The following SMAD9 variants were observed in gnomAD, a reference collection of about 807,000 sequenced individuals.
SMAD9 encodes MAD homolog 9.
In SMAD9, 36 loss-of-function variants were observed where a neutral mutation model predicts 46.1. The ratio of observed to expected loss-of-function variants is 0.78; its 90% CI spans 0.60 to 1.03. The LOEUF (loss-of-function observed/expected upper bound fraction) is 1.03. SMAD9 is among the 50% of genes least tolerant of loss of function. The probability of loss-of-function intolerance (pLI) is 0.00; values close to 1 mark genes in which losing one functional copy is unlikely to be tolerated. For missense variants in SMAD9, 572 were observed against 599.8 expected (o/e 0.95, Z 0.48); for synonymous variants, 245 against 237.1 (o/e 1.03, Z -0.31).
At chr13:36,894,689 C>G (rs749601694) in intron 1 of SMAD9, among the ~76,000 whole-genome samples, 4 of 152,074 alleles carry the variant, frequency 2.6e-5, no homozygotes, top group Non-Finnish European at 5.9e-5. Context: ...CCATGGAGTC[C>G]TCCTGATCCC....
At chr13:36,876,688 T>C (rs929686179) in intron 2 of SMAD9, among the ~76,000 whole-genome samples, 24 of 152,172 alleles carry the variant, frequency 1.6e-4, no homozygotes, top group Non-Finnish European at 2.9e-5. Flanking sequence ...AGTCAATTAT[T>C]GAAGTGGATG....
chr13:36,893,961 TA>T (rs2058508791), intron 1 of SMAD9, among the ~76,000 whole-genome samples: 1 of 152,142 alleles, frequency 6.6e-6, no homozygotes. Context: ...CAAAATAAAA[TA>T]TTTTAATTTA....
intron 1 of SMAD9, among the ~76,000 whole-genome samples, chr13:36,904,754 A>C (rs2138657133): frequency 6.6e-6 from 1 of 152,300 alleles, no homozygotes; most frequent in Admixed American, 6.5e-5. Context: ...TTGTCTCTTT[A>C]TTGAACAACA....
chr13:36,847,719 C>T lies in SMAD9; in HGVS notation c.*957G>A, dbSNP rs972271196. ...GAGTGCCCTTCCCAGGAGACTGGAACGTGGGAAATGAGAAAGTGTAAGTCG... is the reference window on the plus strand; with the variant it reads ...GAGTGCCCTTCCCAGGAGACTGGAATGTGGGAAATGAGAAAGTGTAAGTCG... On this transcript the variant is annotated 3_prime_UTR_variant, in exon 7 of 7. Transcript: ENST00000379826. The T allele has an allele frequency of 1.4e-4, 22 of 152,314 alleles. No individual in the cohort carries two copies. The highest frequency in any genetic ancestry group is 4.8e-4 in the African/African-American group (20 of 41,564). 9.4% of individuals were successfully genotyped at this position (152,314 alleles called of 1,614,324 possible). A position where few individuals can be genotyped will look rare whatever the true frequency, so the allele number is the denominator to read the frequency against.
At chr13:36,885,624 G>A (rs61513427) in intron 1 of SMAD9, among the ~76,000 whole-genome samples, 6,595 of 151,816 alleles carry the variant, frequency 0.043, 344 homozygotes, top group East Asian at 0.18. Context: ...TCCATGAAGG[G>A]TCAGTTCTAG....
intron 1 of SMAD9, among the ~76,000 whole-genome samples, chr13:36,910,498 C>A (rs2058652951): frequency 6.6e-6 from 1 of 152,094 alleles, no homozygotes; most frequent in Non-Finnish European, 1.5e-5. Context: ...CACTTAAAAG[C>A]CCACTAAATA....
At chr13:36,865,810 GT>G (rs1280247506) in intron 4 of SMAD9, 52 bp from the exon 5 acceptor site, 24 of 1,455,664 alleles carry the variant, frequency 1.6e-5, no homozygotes, top group Non-Finnish European at 2.3e-5. Context: ...CCTGGGCTGT[GT>G]AGTTCATGAT....
At chr13:36,853,024 C>T (rs1176117776) in intron 6 of SMAD9, among the ~76,000 whole-genome samples, 2 of 152,198 alleles carry the variant, frequency 1.3e-5, no homozygotes, top group South Asian at 2.1e-4. Flanking sequence ...CGGTGGCTCA[C>T]GCCTGTAATC....
At position 36,873,111 on chromosome 13, in the gene SMAD9, G is replaced by A. The variant is rs1266332132; in HGVS notation, c.413-196C>T. 2.6e-5 allele frequency among the ~76,000 whole-genome samples: 4 copies of A among 152,298 alleles called. No individual in the cohort carries two copies. The East Asian group carries it at 5.8e-4, about 22-fold the overall frequency. ...CCATCTCCACCTAAGAAGCAAGCAT[G>A]TGAGTAAGCTAAGGTAACAGTCTTC... is the stretch of plus-strand genomic sequence containing the variant. On this transcript the variant is annotated intron_variant, in intron 2 of 6. Transcript: ENST00000379826.
At chr13:36,874,767 A>G (rs759279950) in intron 2 of SMAD9, among the ~76,000 whole-genome samples, 13 of 147,386 alleles carry the variant, frequency 8.8e-5, no homozygotes, top group Non-Finnish European at 1.8e-4. Flanking sequence ...CTGAGGTAGG[A>G]GAATGGCGTG....
chr13:36,848,807 C>CA lies in SMAD9; in HGVS notation c.1272dup (p.Glu425Ter). On this transcript the variant is annotated frameshift_variant, in exon 7 of 7. Transcript: ENST00000379826. LOFTEE classifies it high-confidence loss of function. ...CTGGTGACATCCTGGCGATGATACT[C>CA]AGCACCCCAACCCTGAAAAACAAGA... 1.2e-6 allele frequency: 2 copies of CA among 1,613,986 alleles called. No individual in the cohort carries two copies. Among genetic ancestry groups the CA allele is most frequent in the Non-Finnish European group, 1.7e-6 (2 of 1,180,016 alleles).
chr13:36,883,112 G>A (rs1051806014), intron 1 of SMAD9, among the ~76,000 whole-genome samples: 11 of 152,192 alleles, frequency 7.2e-5, no homozygotes. Flanking sequence ...AACAGTGTAA[G>A]TTTATTCAGT....
intron 1 of SMAD9, among the ~76,000 whole-genome samples, chr13:36,915,543 CAAAG>C (rs1255421284): frequency 4.0e-5 from 6 of 150,974 alleles, no homozygotes; most frequent in African/African-American, 7.3e-5. Context: ...AAGAATGAGA[CAAAG>C]AGAGAGAGAG....
In SMAD9 at chr13:36,848,948, C is replaced by T. The variant is rs540650685; in HGVS notation, c.1261-129G>A. The T allele has an allele frequency of 1.1e-4, 91 of 799,086 alleles. No homozygotes were observed. In the South Asian group the frequency reaches 1.4e-3, roughly 13 times the overall value. 49.5% of individuals were successfully genotyped at this position (799,086 alleles called of 1,614,324 possible). A position where few individuals can be genotyped will look rare whatever the true frequency, so the allele number is the denominator to read the frequency against. On this transcript the variant is annotated intron_variant, in intron 6 of 6. Transcript: ENST00000379826. ...CTCCTGAGACCTGAGAGGGAGAGAA[C>T]ATGGCCTCTACCTTCCTGTAAACAC...
rs570613261 is a variant in SMAD9 at position 36,880,018 on chromosome 13, C to T, written c.-186-143G>A. 184 of 368,286 alleles carry T rather than the reference C, an allele frequency of 5.0e-4. 3 individuals are homozygous for T. In the South Asian group the frequency reaches 5.6e-3, roughly 11 times the overall value. 22.8% of individuals were successfully genotyped at this position (368,286 alleles called of 1,614,324 possible). On this transcript the variant is annotated intron_variant, in intron 1 of 6. Coordinates refer to ENST00000379826, the MANE Select transcript of SMAD9 (RefSeq NM_001127217.3). ...GCTCGAGCCCAGGAGGTCAAGGCTGCGCCACTGCACTCCAGCCTGAGCAAC... is the reference window on the plus strand; with the variant it reads ...GCTCGAGCCCAGGAGGTCAAGGCTGTGCCACTGCACTCCAGCCTGAGCAAC...
intron 1 of SMAD9, among the ~76,000 whole-genome samples, chr13:36,909,183 T>G (rs2058641368): frequency 6.6e-6 from 1 of 152,204 alleles, no homozygotes. Flanking sequence ...TCATTATCAC[T>G]TCTTTGGAAG....
chr13:36,910,276 T>C lies in SMAD9; in HGVS notation c.-187+9840A>G, dbSNP rs193266933. 3.9e-5 allele frequency among the ~76,000 whole-genome samples: 6 copies of C among 151,944 alleles called. No homozygotes were observed. The East Asian group carries it at 5.8e-4, about 15-fold the overall frequency. On this transcript the variant is annotated intron_variant, in intron 1 of 6. Coordinates refer to ENST00000379826, the MANE Select transcript of SMAD9 (RefSeq NM_001127217.3). ...GACTCCAGGATCCTCAAATACACTA[T>C]GTTCAAATGTAGAGATGGAACCATA...
chr13:36,916,567 G>A (rs1366545879), intron 1 of SMAD9, among the ~76,000 whole-genome samples: 1 of 152,010 alleles, frequency 6.6e-6, no homozygotes, highest in East Asian at 1.9e-4. Context: ...GAAAAAATGT[G>A]TCATGTATTT....
chr13:36,854,116 G>A (rs1382465393), intron 5 of SMAD9, among the ~76,000 whole-genome samples: 4 of 151,952 alleles, frequency 2.6e-5, no homozygotes, highest in South Asian at 2.1e-4. Flanking sequence ...CCAAGGTAGC[G>A]CCACTGAACT....
Sources: allele counts gnomAD v4.1 joint callset (sites outside exome capture counted in the v4.1 genomes callset), GRCh38; gene constraint gnomAD v4.1.1; transcripts MANE v1.5; gene names NCBI Gene and HGNC (gene_info 2026-07-23, HGNC 2026-07-21).